Variants in PCM1 observed in about 807,000 individuals in gnomAD.
PCM1 encodes the protein pericentriolar material 1, also known as pericentriolar material 1 protein.
PCM1 carries 157 observed loss-of-function variants against 241.9 expected under a neutral mutation model. That is an observed-to-expected ratio of 0.65 (90% CI 0.57 to 0.74). The LOEUF (loss-of-function observed/expected upper bound fraction) is 0.74. PCM1 is among the 30% of genes least tolerant of loss of function. The pLI, the probability that PCM1 is intolerant of heterozygous loss-of-function variation, is 0.00. For missense variants in PCM1, 3,478 were observed against 2,360.1 expected (o/e 1.47, Z -9.81); for synonymous variants, 1,085 against 784.9 (o/e 1.38, Z -6.39).
chr8:17,941,622 T>G (rs550633747), intron 6 of PCM1, among the ~76,000 whole-genome samples: 1 of 152,256 alleles, frequency 6.6e-6, no homozygotes, highest in Non-Finnish European at 1.5e-5. Flanking sequence ...GTTAAGAATT[T>G]AATATGCTAC....
chr8:17,936,699 T>C (rs1003488305), intron 3 of PCM1, among the ~76,000 whole-genome samples: 5 of 152,174 alleles, frequency 3.3e-5, no homozygotes, highest in African/African-American at 1.2e-4. Flanking sequence ...GAGTGTTTTT[T>C]CAGAAAACAG....
chr8:18,027,050 G>C (rs2094283403), intron 38 of PCM1, among the ~76,000 whole-genome samples: 1 of 152,146 alleles, frequency 6.6e-6, no homozygotes, highest in South Asian at 2.1e-4. Flanking sequence ...CAGGATCAAA[G>C]GGTTTTCTTT....
At chr8:18,016,438 G>GTTA (rs753800247) in intron 36 of PCM1, among the ~76,000 whole-genome samples, 2 of 152,168 alleles carry the variant, frequency 1.3e-5, no homozygotes, top group Admixed American at 6.5e-5. Context: ...CCAGAGAAGA[G>GTTA]AAGAGTTAAA....
intron 30 of PCM1, among the ~76,000 whole-genome samples, chr8:18,007,907 A>G (rs907748738): frequency 9.9e-5 from 15 of 152,210 alleles, no homozygotes; most frequent in African/African-American, 3.1e-4. Flanking sequence ...AGGGTAGTCC[A>G]TATTTTAGAA....
intron 36 of PCM1, among the ~76,000 whole-genome samples, chr8:18,022,055 C>T (rs1189622553): frequency 6.6e-6 from 1 of 152,100 alleles, no homozygotes; most frequent in Non-Finnish European, 1.5e-5. Context: ...TGCCCTTGAG[C>T]CTCATTGGAA....
intron 9 of PCM1, among the ~76,000 whole-genome samples, chr8:17,954,195 A>AG (rs1215618994): frequency 6.6e-6 from 1 of 152,198 alleles, no homozygotes; most frequent in African/African-American, 2.4e-5. Context: ...TGGGAGGCTG[A>AG]GGCGGGTGGA....
At position 17,957,572 on chromosome 8, in the gene PCM1, A is replaced by G. The variant is rs1265397438; in HGVS notation, c.1837A>G (p.Ile613Val). ...ATATAATAGAGAAGGGGAACAGGAG[A>G]TTCATGTTGCACAAGGTGAAGATGA... Reference protein sequence around the residue: ...CRYNREGEQEIHVAQGEDDEE... With the variant: ...CRYNREGEQEVHVAQGEDDEE... The change falls in exon 13 of 39, where the codon ATT (isoleucine) becomes GTT (valine). Residue 613 changes from isoleucine (I) to valine (V), a missense_variant. Transcript: ENST00000325083. The G allele has an allele frequency of 1.9e-6, 3 of 1,573,592 alleles. No homozygotes were observed. Among genetic ancestry groups the G allele is most frequent in the Admixed American group, 1.9e-5 (1 of 52,714 alleles).
intron 29 of PCM1, among the ~76,000 whole-genome samples, chr8:17,999,955 C>G (rs1288267755): frequency 6.6e-6 from 1 of 152,026 alleles, no homozygotes; most frequent in Non-Finnish European, 1.5e-5. Flanking sequence ...AGCTTGCATG[C>G]TAGAGTGGGA....
At chr8:17,928,063 T>A (rs944893058) in intron 2 of PCM1, 1 of 152,164 alleles carries the variant, frequency 6.6e-6, no homozygotes, top group African/African-American at 2.4e-5. Flanking sequence ...AGAAGGATTT[T>A]ATTTTTATCC....
chr8:17,968,058 A>C (rs1446757730), intron 21 of PCM1, among the ~76,000 whole-genome samples: 1 of 150,898 alleles, frequency 6.6e-6, no homozygotes, highest in East Asian at 1.9e-4. Context: ...CCGCCGCCAA[A>C]AAAAAAAAAA....
intron 32 of PCM1, among the ~76,000 whole-genome samples, chr8:18,011,012 T>C (rs1978054): frequency 0.61 from 93,014 of 152,084 alleles, 29,668 homozygotes; most frequent in Middle Eastern, 0.74. Flanking sequence ...TTTGAAACAA[T>C]ATAAAATTAT....
rs778924687 is a variant in PCM1 at position 17,985,486 on chromosome 8, A to G, written c.4148A>G (p.Asp1383Gly). Residue 1383 changes from aspartate to glycine, a missense_variant, in exon 25 of 39, where the codon GAT (aspartate) becomes GGT (glycine). By Grantham distance (94) the Asp-to-Gly change is moderately conservative (BLOSUM62 -1). Coordinates refer to ENST00000325083, the MANE Select transcript of PCM1 (RefSeq NM_006197.4). ...SDFSMFEALRDTIYSEVATLI... is the reference protein window; with the variant it reads ...SDFSMFEALRGTIYSEVATLI... ...TTTTCCATGTTTGAAGCTTTGCGAG[A>G]TACTATTTATTCTGAAGTAGCTACA... 5 of 1,566,228 alleles carry G rather than the reference A, an allele frequency of 3.2e-6. No individual in the cohort carries two copies. The East Asian group carries it at 1.2e-4, about 36-fold the overall frequency.
intron 13 of PCM1, among the ~76,000 whole-genome samples, chr8:17,958,816 G>C (rs1302814153): frequency 1.3e-5 from 2 of 152,058 alleles, no homozygotes; most frequent in African/African-American, 4.8e-5. Flanking sequence ...CCATCTCCCG[G>C]GTTCAAGCGA....
At chr8:17,925,250 C>A (rs137855458) in intron 2 of PCM1, 55 of 152,240 alleles carry the variant, frequency 3.6e-4, no homozygotes, top group Non-Finnish European at 7.1e-4. Flanking sequence ...ATCTCCCTTT[C>A]CTGGTATAAA....
At chr8:18,015,526 A>T (rs1335166771) in intron 36 of PCM1, among the ~76,000 whole-genome samples, 2 of 152,180 alleles carry the variant, frequency 1.3e-5, no homozygotes, top group Non-Finnish European at 2.9e-5. Flanking sequence ...ACTTGATAAA[A>T]GACAATTTTG....
At chr8:17,951,623 G>T (rs567732076) in intron 8 of PCM1, among the ~76,000 whole-genome samples, 1 of 151,984 alleles carries the variant, frequency 6.6e-6, no homozygotes, top group Non-Finnish European at 1.5e-5. Flanking sequence ...GTTTAAGAAG[G>T]ATCCCACTTA....
At chr8:17,937,676 T>C (rs924658589) in intron 4 of PCM1, among the ~76,000 whole-genome samples, 3 of 152,148 alleles carry the variant, frequency 2.0e-5, no homozygotes, top group African/African-American at 7.2e-5. Flanking sequence ...CTGAATAAAA[T>C]GGTATTAAGT....
rs1403046564 is a variant in PCM1, at chr8:17,966,053, G to A, written c.2910G>A (p.Lys970=). 6.2e-7 allele frequency: 1 copy of A among 1,613,760 alleles called. No homozygotes were observed. The highest frequency in any genetic ancestry group is 1.7e-5 in the Admixed American group (1 of 59,986). ...SADENYRPLA[K]TRQQNISMQR... ...ATGAAAATTATCGTCCTTTAGCCAA[G>A]ACAAGGCAACAGAATATCAGCATGC... is the stretch of plus-strand genomic sequence containing the variant. The change falls in exon 19 of 39, where the codon AAG becomes AAA. Residue 970 remains lysine, a synonymous_variant. Transcript: ENST00000325083.
chr8:17,950,862 C>T (rs772226311), intron 8 of PCM1, 138 bp downstream of exon 8: 20 of 628,912 alleles, frequency 3.2e-5, no homozygotes, highest in Non-Finnish European at 5.0e-5. Context: ...GGGTCCCCCC[C>T]ACCTTCAAAA....
Sources: allele counts gnomAD v4.1 joint callset (sites outside exome capture counted in the v4.1 genomes callset), GRCh38; gene constraint gnomAD v4.1.1; transcripts MANE v1.5; gene names NCBI Gene and HGNC (gene_info 2026-07-23, HGNC 2026-07-21).